The following CROCC2 variants were observed in gnomAD, a reference collection of about 807,000 sequenced individuals.
CROCC2 encodes the protein ciliary rootlet coiled-coil, rootletin family member 2.
Under a neutral mutation model 177.6 loss-of-function variants are expected in CROCC2, and 163 were observed. The ratio of observed to expected loss-of-function variants is 0.92; its 90% CI spans 0.81 to 1.05. The LOEUF (loss-of-function observed/expected upper bound fraction) is 1.05, where lower values mean the gene tolerates loss of function less well. Ranked by LOEUF, CROCC2 falls within the 50% of genes least tolerant of loss-of-function variation. CROCC2 has a pLI of 0.00. For synonymous variants in CROCC2, 904 were observed against 787.3 expected, an observed-to-expected ratio of 1.15 and a Z score of -2.48; for missense variants, 1,929 against 1,797.8, an observed-to-expected ratio of 1.07 and a Z score of -1.32.
chr2:240,957,415 G>A (rs1559604161), intron 19 of CROCC2: 1 of 152,504 alleles, frequency 6.6e-6, no homozygotes, highest in Non-Finnish European at 1.5e-5. Flanking sequence ...CACAGGCCAT[G>A]GTGCCAGGCG....
chr2:240,975,638 C>T (rs574074088), intron 27 of CROCC2, among the ~76,000 whole-genome samples: 4 of 151,844 alleles, frequency 2.6e-5, no homozygotes, highest in South Asian at 2.1e-4. Context: ...TCCCAGCCTT[C>T]GCTCCCAGCC....
chr2:240,974,539 T>TTC (rs1417067893), intron 27 of CROCC2, among the ~76,000 whole-genome samples: 2 of 148,172 alleles, frequency 1.3e-5, no homozygotes, highest in East Asian at 3.9e-4. Flanking sequence ...TTTTTCTTTT[T>TTC]TTTTTTTTTT....
intron 20 of CROCC2, 164 bp downstream of exon 20, chr2:240,959,608 G>T: frequency 1.1e-6 from 1 of 921,314 alleles, no homozygotes; most frequent in Non-Finnish European, 1.6e-6. Flanking sequence ...CAGCCATAGG[G>T]GCATGGGACA....
intron 6 of CROCC2, 24 bp downstream of exon 6, chr2:240,930,293 G>T: frequency 2.0e-6 from 1 of 495,184 alleles, no homozygotes; most frequent in East Asian, 3.4e-5. Context: ...GCCCCACCTG[G>T]GGCCAGGCAC....
In CROCC2 at chr2:240,991,180, ACTGTC is replaced by A; in HGVS notation, c.4864-9_4864-5del. 6.5e-7 allele frequency: 1 copy of A among 1,532,814 alleles called. No individual in the cohort carries two copies. The highest frequency in any genetic ancestry group is 8.8e-7 in the Non-Finnish European group (1 of 1,136,834). 95.0% of individuals were successfully genotyped at this position (1,532,814 alleles called of 1,614,324 possible). A position where few individuals can be genotyped will look rare whatever the true frequency, so the allele number is the denominator to read the frequency against. ...GCAGCCTGCCCACCTGACCTGAGCCACTGTCCTGTCCCCAGGTGGCCAGCCTGAAG... is the reference window on the plus strand; with the variant it reads ...GCAGCCTGCCCACCTGACCTGAGCCACTGTCCCCAGGTGGCCAGCCTGAAG... On this transcript the variant is annotated splice_polypyrimidine_tract_variant and intron_variant, in intron 30 of 31. Coordinates refer to ENST00000690015, the MANE Select transcript of CROCC2 (RefSeq NM_001351305.2).
At chr2:240,984,437 C>T (rs1009590623) in intron 28 of CROCC2, among the ~76,000 whole-genome samples, 1 of 151,836 alleles carries the variant, frequency 6.6e-6, no homozygotes, top group Non-Finnish European at 1.5e-5. Context: ...GCACCCCAGC[C>T]GTCACTCTGG....
Position 240,960,170 on chromosome 2 carries a change from A to G in CROCC2, c.3087+726A>G, listed in dbSNP as rs2059621980. 6.6e-6 allele frequency among the ~76,000 whole-genome samples: 1 copy of G among 152,260 alleles called. No individual in the cohort carries two copies. On this transcript the variant is annotated intron_variant, in intron 20 of 31. Transcript: ENST00000690015. The surrounding 1 kb of genome is among the most constrained non-coding windows in gnomAD (Gnocchi z 5.0). ...ATTCGGACCCTTGGCCAAGAGGCCC[A>G]TCGAGCCATCCACTGAGGCACGGGG...
At chr2:240,983,564 G>A (rs759058185) in intron 28 of CROCC2, 126 of 1,277,020 alleles carry the variant, frequency 9.9e-5, no homozygotes, top group Admixed American at 9.4e-5. Flanking sequence ...GGCGCTGCGC[G>A]CTCAGCTCGC....
Position 240,963,680 on chromosome 2 carries a change from C to T in CROCC2, c.3212C>T (p.Ala1071Val), listed in dbSNP as rs540387761. The T allele has an allele frequency of 9.4e-5, 146 of 1,550,056 alleles. No homozygotes were observed. Among genetic ancestry groups the T allele is most frequent in the East Asian group, 1.5e-4 (6 of 40,928 alleles). ...AGGGAGGCCCAGGAGGCCCGCCGGG[C>T]GCTGAGTGACGAGGCCCGCGAGAAG... Reference protein sequence around the residue: ...LHREAQEARRALSDEAREKDV... With the variant: ...LHREAQEARRVLSDEAREKDV... Residue 1071 changes from alanine (A) to valine (V), a missense_variant, in exon 21 of 32, where the codon GCG (alanine) becomes GTG (valine). Physicochemically the swap from Ala to Val is moderately conservative, Grantham distance 64. Around this residue, in one of 3 missense-constraint regions of CROCC2, gnomAD observed 1,397 missense variants for 1,239.9 expected, o/e 1.13. Coordinates refer to ENST00000690015, the MANE Select transcript of CROCC2 (RefSeq NM_001351305.2).
rs2059605381 is a variant in CROCC2 at position 240,958,135 on chromosome 2, G to A, written c.2944-1166G>A. 1 of 985,306 alleles carries A rather than the reference G, an allele frequency of 1.0e-6. No homozygotes were observed. Among genetic ancestry groups the A allele is most frequent in the Non-Finnish European group, 1.2e-6 (1 of 829,932 alleles). The allele number at this position is 985,306 out of a possible 1,614,324, so 61.0% of individuals were successfully genotyped here. On this transcript the variant is annotated intron_variant, in intron 19 of 31. Coordinates refer to ENST00000690015, the MANE Select transcript of CROCC2 (RefSeq NM_001351305.2). This position sits in a 1 kb window ranked among gnomAD's most constrained non-coding sequence, Gnocchi z 6.7. ...AAATTAAAACTGTTGAGAGGAGCGG[G>A]AGGAGAGGAATGCCGGCCAAGGAGC...
intron 2 of CROCC2, 26 bp from the exon 3 acceptor site, chr2:240,919,957 C>A (rs1345419097): frequency 8.4e-6 from 6 of 715,170 alleles, no homozygotes. Flanking sequence ...GGTCTGGCCA[C>A]CCAGGCTGAC....
In CROCC2 at chr2:240,930,985, C is replaced by T. The variant is rs1374174153; in HGVS notation, c.804C>T (p.Thr268=). 3.2e-5 allele frequency: 23 copies of T among 715,864 alleles called. No homozygotes were observed. The highest frequency in any genetic ancestry group is 8.9e-5 in the South Asian group (6 of 67,554). 44.3% of individuals were successfully genotyped at this position (715,864 alleles called of 1,614,324 possible). A position where few individuals can be genotyped will look rare whatever the true frequency, so the allele number is the denominator to read the frequency against. ...CCAGGACAGCCCGCCGCCTGCACAC[C>T]GCCTGCCTGAACCTCGACTCCAACC... ...DTARTARRLH[T]ACLNLDSNLR... Residue 268 remains threonine, a synonymous_variant, in exon 7 of 32, where the codon ACC becomes ACT. Coordinates refer to ENST00000690015, the MANE Select transcript of CROCC2 (RefSeq NM_001351305.2).
Position 240,934,460 on chromosome 2 carries a change from C to A in CROCC2, c.1776C>A (p.Arg592=). 1 of 1,548,168 alleles carries A rather than the reference C, an allele frequency of 6.5e-7. No homozygotes were observed. The highest frequency in any genetic ancestry group is 2.4e-5 in the East Asian group (1 of 40,902). The change falls in exon 12 of 32, where the codon CGC becomes CGA. Residue 592 remains arginine, a synonymous_variant. Coordinates refer to ENST00000690015, the MANE Select transcript of CROCC2 (RefSeq NM_001351305.2). ...DVVESEREGL[R]SALARAECSN... is the part of the protein sequence containing the mutation. ...TGGAGAGTGAGAGGGAGGGACTGCG[C>A]AGCGCCCTGGCGCGGGTACACTCTG...
chr2:240,956,242 G>T, intron 19 of CROCC2: 1 of 493,322 alleles, frequency 2.0e-6, no homozygotes, highest in Non-Finnish European at 3.7e-6. Context: ...AGAGAGAGGG[G>T]GCCTGGCCCA....
rs540039212 is a variant in CROCC2 at position 240,930,680 on chromosome 2, G to A, written c.750-251G>A. Among the ~76,000 whole-genome samples, 13 of 152,168 alleles carry A rather than the reference G, an allele frequency of 8.5e-5. 1 individual carries two copies. The East Asian group carries it at 1.2e-3, about 14-fold the overall frequency. On this transcript the variant is annotated intron_variant, in intron 6 of 31. Transcript: ENST00000690015. Reference sequence around the variant, plus strand: ...AGCAGCCCCTTGCGCAGGAGGAGTCGGGGGCTCAGAGGGTCGATGACTCGG... The same window carrying A: ...AGCAGCCCCTTGCGCAGGAGGAGTCAGGGGCTCAGAGGGTCGATGACTCGG...
At chr2:240,983,050 A>T in intron 28 of CROCC2, 21 bp downstream of exon 28, 1 of 1,547,812 alleles carries the variant, frequency 6.5e-7, no homozygotes, top group South Asian at 1.2e-5. Flanking sequence ...CCAGGAGGGC[A>T]GGGTACGCTG....
In CROCC2 at chr2:240,963,738, G is replaced by A; in HGVS notation, c.3270G>A (p.Arg1090=). 1 of 1,550,148 alleles carries A rather than the reference G, an allele frequency of 6.5e-7. No homozygotes were observed. Among genetic ancestry groups the A allele is most frequent in the Non-Finnish European group, 8.7e-7 (1 of 1,146,794 alleles). Residue 1090 remains arginine (R), a synonymous_variant, in exon 21 of 32, where the codon CGG becomes CGA. Coordinates refer to ENST00000690015, the MANE Select transcript of CROCC2 (RefSeq NM_001351305.2). The part of the protein sequence containing the change: ...DVLLLFNSEL[R]ATICRAEQEK... ...TGTTGCTTTTCAACAGCGAGCTGCG[G>A]GCCACCATCTGCAGGGCCGAACAGG...
At chr2:240,991,682 G>A (rs1477689565) in intron 31 of CROCC2, among the ~76,000 whole-genome samples, 2 of 151,822 alleles carry the variant, frequency 1.3e-5, no homozygotes, top group Non-Finnish European at 2.9e-5. Flanking sequence ...GCCTGCCCCC[G>A]CCTGGCACCC....
intron 30 of CROCC2, 149 bp downstream of exon 30, chr2:240,989,982 G>A (rs948179472): frequency 1.8e-5 from 13 of 714,988 alleles, no homozygotes; most frequent in African/African-American, 9.0e-5. Context: ...GACCTGCTCC[G>A]GGCACTGCCT....
Sources: allele counts gnomAD v4.1 joint callset (sites outside exome capture counted in the v4.1 genomes callset), GRCh38; gene constraint gnomAD v4.1.1; regional missense constraint gnomAD v4.1.1; non-coding constraint Gnocchi (gnomAD v3.1); transcripts MANE v1.5; gene names NCBI Gene and HGNC (gene_info 2026-07-23, HGNC 2026-07-21).